Variants in KIF2A observed in about 807,000 individuals in gnomAD.
KIF2A encodes kinesin-like protein KIF2A.
A neutral mutation model predicts 100.2 loss-of-function variants in KIF2A; 22 were observed. The observed-to-expected ratio is 0.22, with a 90% confidence interval of 0.16 to 0.31. KIF2A has a LOEUF of 0.31. Among genes scored for constraint, KIF2A ranks in the 10% least tolerant of loss-of-function variants. KIF2A has a pLI of 1.00. For synonymous variants in KIF2A, 268 were observed against 285.9 expected, an observed-to-expected ratio of 0.94 and a Z score of 0.63; for missense variants, 495 against 898.7, an observed-to-expected ratio of 0.55 and a Z score of 5.74.
rs1742273582 is a variant in KIF2A, at chr5:62,390,787, T to G, written c.*5218T>G. The G allele has an allele frequency of 4.5e-6, 5 of 1,099,540 alleles. No homozygotes were observed. The highest frequency in any genetic ancestry group is 7.0e-6 in the Non-Finnish European group (5 of 715,216). The allele number at this position is 1,099,540 out of a possible 1,614,324, so 68.1% of individuals were successfully genotyped here. On this transcript the variant is annotated 3_prime_UTR_variant, in exon 21 of 21. Transcript: ENST00000407818. ...TGCAATAACTCTCCCAGGTAGCACC[T>G]TATACCGCTTAAAAGCCTTTAAAAT...
chr5:62,306,834 T>A (rs4290970), intron 1 of KIF2A: 1 of 373,814 alleles, frequency 2.7e-6, no homozygotes, highest in Non-Finnish European at 4.8e-6. Flanking sequence ...TCGCTCCTCC[T>A]CCCGCAATCT....
chr5:62,349,226 A>C (rs866725589), intron 3 of KIF2A, among the ~76,000 whole-genome samples: 2 of 151,812 alleles, frequency 1.3e-5, no homozygotes, highest in Admixed American at 6.6e-5. Flanking sequence ...GAATAGATTA[A>C]ATCAGTATAT....
intron 1 of KIF2A, among the ~76,000 whole-genome samples, chr5:62,343,562 C>T (rs1580050529): frequency 6.6e-6 from 1 of 152,158 alleles, no homozygotes; most frequent in Non-Finnish European, 1.5e-5. Flanking sequence ...TTAGCTTCTA[C>T]TCTGTGTGAG....
At chr5:62,371,617 G>A (rs1741334107) in intron 16 of KIF2A, among the ~76,000 whole-genome samples, 1 of 152,110 alleles carries the variant, frequency 6.6e-6, no homozygotes. Flanking sequence ...TTATTTCTGA[G>A]TCATTTTTCT....
chr5:62,367,546 C>T lies in KIF2A; in HGVS notation c.1646+1065C>T, dbSNP rs187236314. Among the ~76,000 whole-genome samples the T allele has an allele frequency of 6.8e-4, 103 of 152,220 alleles. 1 individual carries two copies. The highest frequency in any genetic ancestry group is 2.4e-3 in the African/African-American group (99 of 41,532). ...CCTCCCAAAGTGCTAGGATTACAGG[C>T]GTGAGCCACCCCGCCTGGCCCTTTC... On this transcript the variant is annotated intron_variant, in intron 16 of 20. Transcript: ENST00000407818.
In KIF2A at chr5:62,389,157, T is replaced by G; in HGVS notation, c.*3588T>G. ...TACTAAAACATGAATACAGCATGCT[T>G]ACAGAGCCCACCCACTCCTAATACT... On this transcript the variant is annotated 3_prime_UTR_variant, in exon 21 of 21. Transcript: ENST00000407818. The G allele has an allele frequency of 1.0e-6, 1 of 977,814 alleles. No homozygotes were observed. Among genetic ancestry groups the G allele is most frequent in the Non-Finnish European group, 1.5e-6 (1 of 651,452 alleles). The allele number at this position is 977,814 out of a possible 1,614,324, so 60.6% of individuals were successfully genotyped here.
At chr5:62,309,659 G>A (rs1745468643) in intron 1 of KIF2A, among the ~76,000 whole-genome samples, 1 of 152,180 alleles carries the variant, frequency 6.6e-6, no homozygotes, top group South Asian at 2.1e-4. Context: ...AAGAAGGGCT[G>A]CTTCAGACCA....
At position 62,363,401 on chromosome 5, in the gene KIF2A, A is replaced by G. The variant is rs575441537; in HGVS notation, c.1262+81A>G. 3.0e-4 allele frequency: 373 copies of G among 1,254,724 alleles called. 4 individuals carry two copies. The African/African-American group carries it at 5.1e-3, about 17-fold the overall frequency. 77.7% of individuals were successfully genotyped at this position (1,254,724 alleles called of 1,614,324 possible). A position where few individuals can be genotyped will look rare whatever the true frequency, so the allele number is the denominator to read the frequency against. On this transcript the variant is annotated intron_variant, in intron 13 of 20. Coordinates refer to ENST00000407818, the MANE Select transcript of KIF2A (RefSeq NM_001098511.3). ...GTATAACAAAATGAGGATGTTATCT[A>G]TCAATACATCTTGGAAGTAAAAATC...
At chr5:62,384,583 G>A (rs968497445) in intron 20 of KIF2A, among the ~76,000 whole-genome samples, 4 of 152,110 alleles carry the variant, frequency 2.6e-5, no homozygotes, top group African/African-American at 9.7e-5. Flanking sequence ...AATGCCCGCT[G>A]GGGGCCAAAA....
intron 1 of KIF2A, among the ~76,000 whole-genome samples, chr5:62,340,016 G>A (rs191344744): frequency 8.7e-4 from 127 of 146,594 alleles, no homozygotes; most frequent in African/African-American, 3.0e-3. Flanking sequence ...TTGGCTCACT[G>A]CAACCTCTGC....
chr5:62,340,716 T>C (rs966931999), intron 1 of KIF2A, among the ~76,000 whole-genome samples: 8 of 152,210 alleles, frequency 5.3e-5, no homozygotes, highest in African/African-American at 1.9e-4. Flanking sequence ...GTTTCTCTTA[T>C]TACTTAACAC....
Position 62,358,133 on chromosome 5 carries a change from T to G in KIF2A, c.710-4T>G. On this transcript the variant is annotated splice_polypyrimidine_tract_variant and splice_region_variant and intron_variant, in intron 8 of 20. Transcript: ENST00000407818. Reference sequence around the variant, plus strand: ...TGGGCATTGATTTTCATTTATTCTTTTAGAAACTCAAATGAAAGATCTTGA... The same window carrying G: ...TGGGCATTGATTTTCATTTATTCTTGTAGAAACTCAAATGAAAGATCTTGA... 1 of 1,543,886 alleles carries G rather than the reference T, an allele frequency of 6.5e-7. No homozygotes were observed. Among genetic ancestry groups the G allele is most frequent in the Non-Finnish European group, 8.7e-7 (1 of 1,149,594 alleles).
intron 1 of KIF2A, chr5:62,308,331 C>G: frequency 1.4e-6 from 2 of 1,433,474 alleles, no homozygotes; most frequent in Admixed American, 2.4e-5. Flanking sequence ...TCACAGTATA[C>G]CAGCAAAAGT....
rs75941945 is a variant in KIF2A, at chr5:62,361,896, G to A, written c.1027+367G>A. 3.9e-3 allele frequency among the ~76,000 whole-genome samples: 597 copies of A among 151,624 alleles called. 18 individuals carry two copies. The highest frequency in any genetic ancestry group is 0.035 in the Admixed American group (528 of 15,198). ...AAAAAACTTAGCCAGGCGTGGTGGC[G>A]GGCGCCTGTAATCCCAGCTACTCAG... is the stretch of plus-strand genomic sequence containing the variant. On this transcript the variant is annotated intron_variant, in intron 11 of 20. Transcript: ENST00000407818.
At chr5:62,381,483 G>A (rs899985794) in intron 20 of KIF2A, among the ~76,000 whole-genome samples, 3 of 152,206 alleles carry the variant, frequency 2.0e-5, no homozygotes, top group South Asian at 4.1e-4. Flanking sequence ...ATCTTAAAGA[G>A]AGAAAATGTA....
At position 62,390,951 on chromosome 5, in the gene KIF2A, T is replaced by A. The variant is rs148664994; in HGVS notation, c.*5382T>A. 1.9e-5 allele frequency: 31 copies of A among 1,612,942 alleles called. No individual in the cohort carries two copies. The highest frequency in any genetic ancestry group is 2.5e-5 in the Non-Finnish European group (30 of 1,179,916). On this transcript the variant is annotated 3_prime_UTR_variant, in exon 21 of 21. Coordinates refer to ENST00000407818, the MANE Select transcript of KIF2A (RefSeq NM_001098511.3). The stretch of plus-strand genomic sequence containing the variant: ...TGTGCTGGTTAGGATTTGCTGTATT[T>A]TATCTGCTATGCTGAAATCTTCTGG...
rs1745722064 is a variant in KIF2A, at chr5:62,314,685, G to A, written c.64+8149G>A. On this transcript the variant is annotated intron_variant, in intron 1 of 20. Transcript: ENST00000407818. ...AATTTTGACCACATTTTACCTAAAG[G>A]AAGGACAAGATCAGCAGGGAACAAA... Among the ~76,000 whole-genome samples the A allele has an allele frequency of 7.3e-5, 11 of 151,628 alleles. No homozygotes were observed. In the South Asian group the frequency reaches 2.3e-3, roughly 32 times the overall value.
At chr5:62,363,139 T>TA in intron 12 of KIF2A, 39 bp from the exon 13 acceptor site, 1 of 1,539,092 alleles carries the variant, frequency 6.5e-7, no homozygotes, top group Non-Finnish European at 8.8e-7. Flanking sequence ...GTTTTTTACT[T>TA]TAAAGCTAGT....
intron 1 of KIF2A, among the ~76,000 whole-genome samples, chr5:62,332,686 A>T (rs865875827): frequency 6.6e-6 from 1 of 152,208 alleles, no homozygotes; most frequent in Non-Finnish European, 1.5e-5. Context: ...TAAATGGGAA[A>T]AAATGGCAGT....
Sources: allele counts gnomAD v4.1 joint callset (sites outside exome capture counted in the v4.1 genomes callset), GRCh38; gene constraint gnomAD v4.1.1; transcripts MANE v1.5; gene names NCBI Gene and HGNC (gene_info 2026-07-23, HGNC 2026-07-21).